The following COL6A5 variants were observed in gnomAD, a reference collection of about 807,000 sequenced individuals.
The protein encoded by COL6A5 is collagen type VI alpha 5 chain.
In COL6A5, 48 loss-of-function variants were observed where a neutral mutation model predicts 65.6. The observed-to-expected ratio is 0.73, with a 90% confidence interval of 0.58 to 0.93. COL6A5 has a LOEUF of 0.93. Ranked by LOEUF, COL6A5 falls within the 40% of genes least tolerant of loss-of-function variation. The probability of loss-of-function intolerance (pLI) is 0.00; values close to 1 mark genes in which losing one functional copy is unlikely to be tolerated. For missense variants in COL6A5, 914 were observed against 928.3 expected (o/e 0.98, Z 0.20); for synonymous variants, 291 against 322.8 (o/e 0.90, Z 1.05).
At chr3:130,403,928 C>G (rs1289858070) in intron 13 of COL6A5, among the ~76,000 whole-genome samples, 2 of 151,978 alleles carry the variant, frequency 1.3e-5, no homozygotes, top group African/African-American at 4.8e-5. Flanking sequence ...GTTACTAAGT[C>G]TAAGTTTGGG....
intron 1 of COL6A5, among the ~76,000 whole-genome samples, chr3:130,366,576 T>G (rs1292466901): frequency 6.6e-6 from 1 of 152,258 alleles, no homozygotes. Context: ...TTATGAGTTC[T>G]GATTCCTTGA....
Position 130,413,570 on chromosome 3 carries a change from G to A in COL6A5, c.4688G>A (p.Arg1563Gln), listed in dbSNP as rs1412704203. Residue 1563 changes from arginine to glutamine, a missense_variant and NMD_transcript_variant, in exon 21 of 42, where the codon CGA becomes CAA. Arg to Gln is a conservative substitution (Grantham distance 43, BLOSUM62 1). Transcript: ENST00000312481. ...GGAAGAGAAGGTCAAAGGGGACTCC[G>A]AGGTGTCTCAGTAAGTAACCTTGAC... The A allele has an allele frequency of 2.5e-5, 39 of 1,549,074 alleles. 2 individuals are homozygous for A. Among genetic ancestry groups the A allele is most frequent in the Non-Finnish European group, 3.0e-5 (34 of 1,145,154 alleles).
chr3:130,376,821 G>A (rs1466294050), exon 3 of COL6A5: 10 of 1,611,432 alleles, frequency 6.2e-6, no homozygotes, highest in East Asian at 4.5e-5. Context: ...GGGAGCCGTC[G>A]ATGCTGATAT....
chr3:130,434,442 A>C (rs1281626015), intron 1 of COL6A5, among the ~76,000 whole-genome samples: 2 of 152,124 alleles, frequency 1.3e-5, no homozygotes, highest in African/African-American at 4.8e-5. Flanking sequence ...ATGCCTTTGG[A>C]TATACACCCA....
chr3:130,442,883 G>C lies in COL6A5; in HGVS notation c.1242-593G>C, dbSNP rs187565127. ...TCCTTGGATCAGTCAATGGCTGAAG[G>C]CCTTCTTTAACTAAAATCTTTTATT... On this transcript the variant is annotated intron_variant, in intron 3 of 7. Transcript: ENST00000512836. 3.5e-3 allele frequency among the ~76,000 whole-genome samples: 532 copies of C among 152,294 alleles called. 5 individuals are homozygous for C. The highest frequency in any genetic ancestry group is 0.012 in the African/African-American group (505 of 41,574).
At chr3:130,446,117 A>C (rs1028367955) in intron 4 of COL6A5, among the ~76,000 whole-genome samples, 4 of 152,138 alleles carry the variant, frequency 2.6e-5, no homozygotes, top group Non-Finnish European at 5.9e-5. Flanking sequence ...GAGGGATACA[A>C]CTAGGTGCAT....
chr3:130,376,485 G>A (rs575322112), exon 3 of COL6A5: 159 of 1,607,202 alleles, frequency 9.9e-5, no homozygotes, highest in Admixed American at 3.6e-4. Context: ...GTTCATTGGC[G>A]GGTCCCTGCA....
intron 17 of COL6A5, among the ~76,000 whole-genome samples, chr3:130,407,142 A>G (rs1003744162): frequency 1.3e-5 from 2 of 152,234 alleles, no homozygotes; most frequent in African/African-American, 4.8e-5. Context: ...ACAGGAATTC[A>G]GCAAGGCAAA....
chr3:130,381,451 G>A (rs1465465768), intron 4 of COL6A5, among the ~76,000 whole-genome samples: 1 of 152,056 alleles, frequency 6.6e-6, no homozygotes, highest in East Asian at 1.9e-4. Context: ...AGTCTTGCAG[G>A]GACATCCTTT....
At chr3:130,359,517 CAG>C (rs1245752657) in intron 1 of COL6A5, among the ~76,000 whole-genome samples, 1 of 151,676 alleles carries the variant, frequency 6.6e-6, no homozygotes, top group Non-Finnish European at 1.5e-5. Flanking sequence ...TTGCCTAAAA[CAG>C]AAATAAATTA....
chr3:130,439,585 G>T lies in COL6A5; in HGVS notation c.553G>T (p.Glu185Ter). The T allele has an allele frequency of 6.4e-7, 1 of 1,551,174 alleles. No homozygotes were observed. Residue 185 changes from glutamate (E) to a stop codon, truncating the protein, a stop_gained, in exon 2 of 8, where the codon GAA (glutamate) becomes TAA (stop). Transcript: ENST00000512836. LOFTEE classifies it high-confidence loss of function. Reference sequence around the variant, plus strand: ...TCCAAATGGGGAAAATCAAACATTAGAAAGACTTCGGCGCTGTGCACTTTG... The same window carrying T: ...TCCAAATGGGGAAAATCAAACATTATAAAGACTTCGGCGCTGTGCACTTTG...
exon 3 of COL6A5, chr3:130,440,782 T>C: frequency 1.2e-6 from 2 of 1,613,018 alleles, no homozygotes; most frequent in Non-Finnish European, 1.7e-6. Flanking sequence ...CAGATCTGAA[T>C]TATATTGCGA....
chr3:130,456,087 C>T (rs914316377), intron 5 of COL6A5, among the ~76,000 whole-genome samples: 11 of 152,122 alleles, frequency 7.2e-5, no homozygotes, highest in Admixed American at 3.9e-4. Context: ...CTCCGCCACC[C>T]GGGTTCAAGC....
chr3:130,429,491 C>G (rs935510018), upstream of COL6A5: 75 of 1,252,208 alleles, frequency 6.0e-5, no homozygotes, highest in Middle Eastern at 9.3e-4. Flanking sequence ...ACATTTTCAG[C>G]TTTGTTAAAA....
At chr3:130,405,445 C>T (rs933224277) in intron 13 of COL6A5, 143 bp from the exon 14 acceptor site, 5 of 582,432 alleles carry the variant, frequency 8.6e-6, no homozygotes, top group Admixed American at 3.1e-5. Context: ...TGAGGATTCA[C>T]TTTTGAATCC....
intron 7 of COL6A5, 68 bp downstream of exon 39, chr3:130,471,035 T>C (rs1709938598): frequency 9.0e-7 from 1 of 1,109,736 alleles, no homozygotes; most frequent in South Asian, 1.3e-5. Flanking sequence ...AACTGTGAAA[T>C]GAATAGCATT....
chr3:130,429,341 G>A (rs1352292646), upstream of COL6A5, among the ~76,000 whole-genome samples: 5 of 152,128 alleles, frequency 3.3e-5, no homozygotes, highest in Admixed American at 6.6e-5. Flanking sequence ...TTCTGCTAAA[G>A]TCTGCTGGCT....
Position 130,414,095 on chromosome 3 carries a change from A to G in COL6A5, c.4725A>G (p.Thr1575=), listed in dbSNP as rs1424190361. 3 of 1,550,790 alleles carry G rather than the reference A, an allele frequency of 1.9e-6. No individual in the cohort carries two copies. In the African/African-American group the frequency reaches 4.1e-5, roughly 21 times the overall value. Residue 1575 remains threonine, a synonymous_variant and NMD_transcript_variant, in exon 22 of 42, where the codon ACA becomes ACG. Coordinates refer to the COL6A5 transcript ENST00000312481. ...GAGAACCAGGAAATCCTGGACCTAC[A>G]GGCACATTGGGAGCTGAAGGATTAC...
intron 5 of COL6A5, among the ~76,000 whole-genome samples, chr3:130,458,030 A>C (rs1261129397): frequency 6.6e-6 from 1 of 152,098 alleles, no homozygotes. Context: ...CCATGTAAGA[A>C]ATTTTTAGTA....
Sources: allele counts gnomAD v4.1 joint callset (sites outside exome capture counted in the v4.1 genomes callset), GRCh38; gene constraint gnomAD v4.1.1; transcripts MANE v1.5; gene names NCBI Gene and HGNC (gene_info 2026-07-23, HGNC 2026-07-21).